Variants in STK32B observed in about 807,000 individuals in gnomAD.
The protein encoded by STK32B is serine/threonine-protein kinase 32B.
Under a neutral mutation model 52.6 loss-of-function variants are expected in STK32B, and 43 were observed. The ratio of observed to expected loss-of-function variants is 0.82; its 90% confidence interval spans 0.64 to 1.05. The LOEUF is 1.05. STK32B is among the 50% of genes least tolerant of loss of function. The pLI is 0.00. For synonymous variants in STK32B, 238 were observed against 204.3 expected (o/e 1.17, Z -1.41); for missense variants, 621 against 534.6 (o/e 1.16, Z -1.59).
intron 4 of STK32B, among the ~76,000 whole-genome samples, chr4:5,370,809 T>A (rs1233007167): frequency 6.6e-6 from 1 of 151,354 alleles, no homozygotes; most frequent in Non-Finnish European, 1.5e-5. Context: ...CTACAAAAAA[T>A]AAAAATAAAA....
In STK32B at chr4:5,268,538, G is replaced by GGTGTGTGT. The variant is rs10593272; in HGVS notation, c.261-62643_261-62636dup. On this transcript the variant is annotated intron_variant, in intron 3 of 11. Transcript: ENST00000282908. ...AGCACTATTTGAAGTTGCTTGGTGT[G>GGTGTGTGT]GTGTGTGTGTGTGTGTGTGTGTGTG... Among the ~76,000 whole-genome samples the GGTGTGTGT allele has an allele frequency of 9.3e-4, 130 of 140,188 alleles. 1 individual carries two copies. Among genetic ancestry groups the GGTGTGTGT allele is most frequent in the East Asian group, 3.9e-3 (18 of 4,642 alleles). 92.0% of individuals were successfully genotyped at this position (140,188 alleles called of 152,430 possible). A position where few individuals can be genotyped will look rare whatever the true frequency, so the allele number is the denominator to read the frequency against.
rs1267251614 is a variant in STK32B at position 5,453,168 on chromosome 4, T to C, written c.667-3639T>C. On this transcript the variant is annotated intron_variant, in intron 7 of 11. Coordinates refer to ENST00000282908, the MANE Select transcript of STK32B (RefSeq NM_018401.3). The surrounding 1 kb of genome is among the most constrained non-coding windows in gnomAD (Gnocchi z 4.0). ...TGCATTGGAGTTATTATTATCATCA[T>C]TGTTTTTGTAATTGGTCCGGTTGCC... Among the ~76,000 whole-genome samples the C allele has an allele frequency of 1.3e-5, 2 of 152,078 alleles. No individual in the cohort carries two copies. Among genetic ancestry groups the C allele is most frequent in the African/African-American group, 4.8e-5 (2 of 41,414 alleles).
At chr4:5,182,463 C>CT (rs1315636884) in intron 3 of STK32B, among the ~76,000 whole-genome samples, 310 of 150,446 alleles carry the variant, frequency 2.1e-3, no homozygotes, top group African/African-American at 5.4e-3. Flanking sequence ...TTTTTTTTTC[C>CT]TTTTTTTTTG....
chr4:5,036,232 G>A, the STK32B span, among the ~76,000 whole-genome samples: 1 of 152,206 alleles, frequency 6.6e-6, no homozygotes, highest in African/African-American at 2.4e-5. Context: ...GCTGGGTGCA[G>A]TGTGCACGGG....
chr4:5,079,086 C>A lies in STK32B; in HGVS notation c.52+27171C>A, dbSNP rs553107815. Among the ~76,000 whole-genome samples the A allele has an allele frequency of 3.3e-5, 5 of 152,176 alleles. No individual in the cohort carries two copies. In the South Asian group the frequency reaches 1.0e-3, roughly 32 times the overall value. ...TCCTCTCCAAACTTTTTTTAGTAAG[C>A]TTTTTTTACATCCTAGTCATACTGC... On this transcript the variant is annotated intron_variant, in intron 1 of 11. Transcript: ENST00000282908.
intron 3 of STK32B, among the ~76,000 whole-genome samples, chr4:5,297,056 T>A (rs1283619283): frequency 6.6e-6 from 1 of 152,216 alleles, no homozygotes; most frequent in Non-Finnish European, 1.5e-5. Context: ...TGGCTGGATA[T>A]GAAATTCTGG....
At chr4:5,279,779 A>G (rs1206062854) in intron 3 of STK32B, among the ~76,000 whole-genome samples, 1 of 152,162 alleles carries the variant, frequency 6.6e-6, no homozygotes, top group Non-Finnish European at 1.5e-5. Context: ...CTGTCTCAAC[A>G]CCACGTGGAA....
At chr4:5,434,993 A>G (rs1194424070) in intron 6 of STK32B, among the ~76,000 whole-genome samples, 1 of 152,126 alleles carries the variant, frequency 6.6e-6, no homozygotes, top group African/African-American at 2.4e-5. Context: ...ATGGCCCTGA[A>G]CATAGCCCCT....
At chr4:5,404,993 A>T (rs1273748368) in intron 5 of STK32B, among the ~76,000 whole-genome samples, 4 of 150,470 alleles carry the variant, frequency 2.7e-5, no homozygotes, top group Non-Finnish European at 5.9e-5. Flanking sequence ...CAGCCTCCTA[A>T]GTAGCTGGGA....
chr4:5,122,268 A>G (rs556329452), intron 1 of STK32B, among the ~76,000 whole-genome samples: 8 of 151,800 alleles, frequency 5.3e-5, no homozygotes, highest in Admixed American at 3.3e-4. Flanking sequence ...TCATTCATTC[A>G]TTCATTCACT....
chr4:5,229,312 GT>G (rs140070973), intron 3 of STK32B, among the ~76,000 whole-genome samples: 2,706 of 151,938 alleles, frequency 0.018, 81 homozygotes, highest in African/African-American at 0.061. Flanking sequence ...ATAATGCACT[GT>G]TTGGGTTATA....
At chr4:5,266,940 T>C (rs1164247363) in intron 3 of STK32B, among the ~76,000 whole-genome samples, 1 of 152,116 alleles carries the variant, frequency 6.6e-6, no homozygotes, top group Non-Finnish European at 1.5e-5. Context: ...TCATATACTT[T>C]AAAATATATT....
At chr4:5,235,008 T>G (rs1724528008) in intron 3 of STK32B, among the ~76,000 whole-genome samples, 1 of 152,258 alleles carries the variant, frequency 6.6e-6, no homozygotes, top group African/African-American at 2.4e-5. Flanking sequence ...CAGGAATTTT[T>G]ACATATGACA....
Position 5,321,752 on chromosome 4 carries a change from C to T in STK32B, c.261-9468C>T, listed in dbSNP as rs570705503. ...AGTCTGCAAAGCCCCTCCAGTGGGA[C>T]GGGGGCACCGTGGACCTGAAGCCTG... On this transcript the variant is annotated intron_variant, in intron 3 of 11. Transcript: ENST00000282908. 6.6e-5 allele frequency among the ~76,000 whole-genome samples: 10 copies of T among 152,244 alleles called. 1 individual carries two copies. Among genetic ancestry groups the T allele is most frequent in the South Asian group, 4.2e-4 (2 of 4,816 alleles).
chr4:5,448,604 T>A (rs1014462420), intron 7 of STK32B, among the ~76,000 whole-genome samples: 1 of 152,248 alleles, frequency 6.6e-6, no homozygotes, highest in Admixed American at 6.5e-5. Flanking sequence ...TGGTCCTTGC[T>A]GATTCACAAA....
intron 3 of STK32B, among the ~76,000 whole-genome samples, chr4:5,320,338 C>T (rs1731405882): frequency 1.3e-5 from 2 of 152,124 alleles, no homozygotes; most frequent in Admixed American, 1.3e-4. Context: ...TTTCTTGGTC[C>T]AGTGCCTCTT....
chr4:5,350,651 T>G (rs1733766003), intron 4 of STK32B, among the ~76,000 whole-genome samples: 1 of 152,110 alleles, frequency 6.6e-6, no homozygotes, highest in East Asian at 1.9e-4. Flanking sequence ...ATAATAACAT[T>G]GAATGTAAAT....
At chr4:5,391,897 G>T (rs1236561131) in intron 4 of STK32B, among the ~76,000 whole-genome samples, 1 of 152,154 alleles carries the variant, frequency 6.6e-6, no homozygotes, top group African/African-American at 2.4e-5. Flanking sequence ...AGATTTTAAA[G>T]TGGACAAGCA....
intron 3 of STK32B, among the ~76,000 whole-genome samples, chr4:5,201,954 T>C (rs1201563956): frequency 6.6e-6 from 1 of 152,168 alleles, no homozygotes; most frequent in African/African-American, 2.4e-5. Flanking sequence ...ATCTTATGTT[T>C]TTCTCACATT....
Sources: gnomAD v4.1 joint callset for allele counts (sites outside exome capture counted in the v4.1 genomes callset) on GRCh38, gnomAD v4.1.1 for gene constraint, Gnocchi (gnomAD v3.1) non-coding constraint, MANE v1.5 for transcripts, NCBI Gene and HGNC (gene_info 2026-07-23, HGNC 2026-07-21) for gene names.